Variants in DDX10 observed in about 807,000 individuals in gnomAD.
DDX10 encodes the protein DEAD-box helicase 10.
DDX10 carries 74 observed loss-of-function variants against 104.3 expected under a neutral mutation model. The observed-to-expected ratio is 0.71, with a 90% confidence interval of 0.59 to 0.86. The LOEUF is 0.86. Among genes scored for constraint, DDX10 ranks in the 40% least tolerant of loss-of-function variants. The pLI is 0.00. For synonymous variants in DDX10, 351 were observed against 353.4 expected (o/e 0.99, Z 0.08); for missense variants, 952 against 1,040.0 (o/e 0.92, Z 1.16).
At chr11:108,933,406 G>A (rs1309420740) in intron 17 of DDX10, among the ~76,000 whole-genome samples, 2 of 152,174 alleles carry the variant, frequency 1.3e-5, no homozygotes, top group Admixed American at 6.5e-5. Context: ...AGCCAGACTC[G>A]AGTTTGGTCA....
intron 14 of DDX10, among the ~76,000 whole-genome samples, chr11:108,840,096 C>T (rs968166986): frequency 1.3e-5 from 2 of 152,098 alleles, no homozygotes; most frequent in Non-Finnish European, 2.9e-5. Flanking sequence ...AACTTTTTGC[C>T]CTCTGATTGC....
At chr11:108,819,231 G>A (rs549985930) in intron 13 of DDX10, among the ~76,000 whole-genome samples, 6 of 152,196 alleles carry the variant, frequency 3.9e-5, no homozygotes, top group Non-Finnish European at 8.8e-5. Flanking sequence ...GCTTGTCACA[G>A]AACTCTTATT....
intron 2 of DDX10, among the ~76,000 whole-genome samples, chr11:108,675,010 T>A (rs2094222213): frequency 6.6e-6 from 1 of 152,156 alleles, no homozygotes; most frequent in Non-Finnish European, 1.5e-5. Flanking sequence ...TTATTTCAGT[T>A]AACATAAGGT....
intron 16 of DDX10, among the ~76,000 whole-genome samples, chr11:108,855,813 A>G (rs1009192209): frequency 2.0e-5 from 3 of 152,200 alleles, no homozygotes; most frequent in Non-Finnish European, 4.4e-5. Context: ...AACACTGACT[A>G]TGAAGGAACA....
At chr11:108,883,515 A>AT (rs1863254973) in intron 16 of DDX10, among the ~76,000 whole-genome samples, 1 of 151,986 alleles carries the variant, frequency 6.6e-6, no homozygotes, top group Non-Finnish European at 1.5e-5. Context: ...TCTTTACCAG[A>AT]TCTTCTTATT....
chr11:108,875,899 A>T (rs948201047), intron 16 of DDX10, among the ~76,000 whole-genome samples: 5 of 152,162 alleles, frequency 3.3e-5, no homozygotes, highest in African/African-American at 1.2e-4. Context: ...TTTCATACAG[A>T]TGATGCCTAG....
intron 1 of DDX10, among the ~76,000 whole-genome samples, chr11:108,667,335 G>A (rs1335722164): frequency 6.6e-6 from 1 of 152,188 alleles, no homozygotes; most frequent in South Asian, 2.1e-4. Flanking sequence ...CTGTACTTCT[G>A]CTAGAATGAT....
intron 13 of DDX10, among the ~76,000 whole-genome samples, chr11:108,804,716 C>T (rs1862073509): frequency 1.3e-5 from 2 of 152,122 alleles, no homozygotes. Context: ...CAAGCTCATT[C>T]ATATTATTGG....
At chr11:108,701,810 C>A (rs1343349347) in intron 9 of DDX10, among the ~76,000 whole-genome samples, 5 of 150,258 alleles carry the variant, frequency 3.3e-5, no homozygotes, top group Non-Finnish European at 5.9e-5. Flanking sequence ...TCTCAGCCTC[C>A]TGAGTAGTTG....
intron 13 of DDX10, among the ~76,000 whole-genome samples, chr11:108,803,426 T>G (rs1862052402): frequency 1.3e-5 from 2 of 151,866 alleles, no homozygotes; most frequent in Non-Finnish European, 2.9e-5. Flanking sequence ...AAACCCCATC[T>G]CTACTAAAAA....
In DDX10 at chr11:108,665,336, A is replaced by G. The variant is rs1324051406; in HGVS notation, c.183A>G (p.Glu61=). The change falls in exon 1 of 18, where the codon GAA becomes GAG. Residue 61 remains glutamate, a synonymous_variant. Transcript: ENST00000322536. ...TCAGCCGCCTCATGCAGAACTATGA[A>G]AAGGTGAGGCCGGCGCTGGGGAGGG... ...ESISRLMQNY[E]KINVNEITRF... 4 of 1,577,438 alleles carry G rather than the reference A, an allele frequency of 2.5e-6. No homozygotes were observed. The highest frequency in any genetic ancestry group is 1.2e-5 in the South Asian group (1 of 86,532).
At chr11:108,680,969 C>T (rs1007580377) in intron 6 of DDX10, among the ~76,000 whole-genome samples, 2 of 152,058 alleles carry the variant, frequency 1.3e-5, no homozygotes, top group Non-Finnish European at 2.9e-5. Flanking sequence ...GGCTTACTTT[C>T]GAGTGGACAT....
chr11:108,906,669 T>A (rs940520677), intron 16 of DDX10, among the ~76,000 whole-genome samples: 2 of 152,256 alleles, frequency 1.3e-5, no homozygotes, highest in Admixed American at 6.5e-5. Context: ...ATTTTTCTTT[T>A]ACTTAATATC....
chr11:108,669,959 A>C (rs2094214956), intron 1 of DDX10, among the ~76,000 whole-genome samples: 1 of 152,176 alleles, frequency 6.6e-6, no homozygotes, highest in African/African-American at 2.4e-5. Flanking sequence ...TGCCACCTAG[A>C]TTTTAGCCAA....
At chr11:108,718,133 G>T (rs1466532661) in intron 11 of DDX10, among the ~76,000 whole-genome samples, 1 of 151,832 alleles carries the variant, frequency 6.6e-6, no homozygotes, top group Admixed American at 6.6e-5. Flanking sequence ...CCATTGCACT[G>T]CAGCTGGCCT....
intron 13 of DDX10, chr11:108,727,604 G>A (rs1161722904): frequency 7.2e-5 from 11 of 152,190 alleles, no homozygotes; most frequent in Admixed American, 7.2e-4. Flanking sequence ...AAACAGTAGG[G>A]TTCTTGATTT....
intron 6 of DDX10, among the ~76,000 whole-genome samples, chr11:108,685,869 A>G (rs2094243302): frequency 6.6e-6 from 1 of 152,204 alleles, no homozygotes; most frequent in Admixed American, 6.5e-5. Flanking sequence ...TTACTTATAA[A>G]AGTTTAAGAT....
intron 17 of DDX10, 71 bp downstream of exon 17, chr11:108,918,089 A>G (rs780772223): frequency 4.8e-6 from 7 of 1,467,546 alleles, no homozygotes; most frequent in Non-Finnish European, 5.7e-6. Context: ...AATCCAAAAG[A>G]CATTACTAAG....
intron 6 of DDX10, among the ~76,000 whole-genome samples, chr11:108,683,626 C>T (rs1380759343): frequency 6.6e-6 from 1 of 152,134 alleles, no homozygotes; most frequent in Non-Finnish European, 1.5e-5. Context: ...GCTTCTTAGC[C>T]CTGCAATTTT....
Sources: gnomAD v4.1 joint callset for allele counts (sites outside exome capture counted in the v4.1 genomes callset) on GRCh38, gnomAD v4.1.1 for gene constraint, MANE v1.5 for transcripts, NCBI Gene and HGNC (gene_info 2026-07-23, HGNC 2026-07-21) for gene names.